The following DLGAP2 variants were observed in gnomAD, a reference collection of about 807,000 sequenced individuals.
DLGAP2 encodes DLG associated protein 2, also known as disks large-associated protein 2.
Under a neutral mutation model 100.3 loss-of-function variants are expected in DLGAP2, and 26 were observed. That is an observed-to-expected ratio of 0.26 (90% CI 0.19 to 0.36). DLGAP2 has a LOEUF of 0.36. Among genes scored for constraint, DLGAP2 ranks in the 10% least tolerant of loss-of-function variants. The pLI is 1.00. For synonymous variants in DLGAP2, 886 were observed against 630.1 expected (o/e 1.41, Z -6.08); for missense variants, 1,858 against 1,453.2 (o/e 1.28, Z -4.53).
At chr8:1,454,318 C>T (rs1180317094) in intron 3 of DLGAP2, among the ~76,000 whole-genome samples, 1 of 152,166 alleles carries the variant, frequency 6.6e-6, no homozygotes, top group African/African-American at 2.4e-5. Flanking sequence ...GCATCCATGG[C>T]AGTCTGAACA....
At chr8:1,336,246 C>T (rs1289148972) in intron 3 of DLGAP2, among the ~76,000 whole-genome samples, 1 of 152,186 alleles carries the variant, frequency 6.6e-6, no homozygotes. Flanking sequence ...TTTGAAGATG[C>T]TGATTCAATG....
chr8:1,019,497 T>A (rs1265614611), intron 2 of DLGAP2: 4 of 151,798 alleles, frequency 2.6e-5, no homozygotes, highest in South Asian at 4.2e-4. Context: ...CACATCTGCT[T>A]CTGGAGCACA....
intron 3 of DLGAP2, among the ~76,000 whole-genome samples, chr8:1,325,236 C>T (rs1800993316): frequency 1.3e-5 from 2 of 152,244 alleles, no homozygotes; most frequent in Non-Finnish European, 2.9e-5. Flanking sequence ...ATGAGACAGT[C>T]ATTCCACGAC....
chr8:1,551,954 C>A (rs576304509), intron 5 of DLGAP2, among the ~76,000 whole-genome samples: 1 of 152,174 alleles, frequency 6.6e-6, no homozygotes, highest in Non-Finnish European at 1.5e-5. Flanking sequence ...CTCTTCATCT[C>A]GTTCAGCCCG....
At chr8:1,650,035 A>G (rs973073481) in intron 8 of DLGAP2, among the ~76,000 whole-genome samples, 3 of 152,230 alleles carry the variant, frequency 2.0e-5, no homozygotes, top group Non-Finnish European at 2.9e-5. Context: ...CCCACACCTT[A>G]AATATGCGGG....
At position 1,431,821 on chromosome 8, in the gene DLGAP2, A is replaced by T. The variant is rs144297066; in HGVS notation, c.107-69545A>T. 1.8e-3 allele frequency among the ~76,000 whole-genome samples: 267 copies of T among 152,176 alleles called. 2 individuals carry two copies. Among genetic ancestry groups the T allele is most frequent in the Admixed American group, 3.9e-3 (60 of 15,284 alleles). ...TGCGTGCATGACAGGGACTCTTCTG[A>T]TGCCTCCGTGTCGATGGCCACCAAG... is the stretch of plus-strand genomic sequence containing the variant. On this transcript the variant is annotated intron_variant, in intron 3 of 14. Transcript: ENST00000637795.
chr8:1,472,886 T>A (rs953361044), intron 3 of DLGAP2, among the ~76,000 whole-genome samples: 22 of 152,250 alleles, frequency 1.4e-4, no homozygotes, highest in African/African-American at 5.3e-4. Flanking sequence ...ATTCCATTCC[T>A]AAATATTTCC....
intron 1 of DLGAP2, among the ~76,000 whole-genome samples, chr8:845,242 T>G (rs955367973): frequency 1.3e-5 from 2 of 152,230 alleles, no homozygotes; most frequent in Admixed American, 1.3e-4. Context: ...AGTTGCAGCA[T>G]GAGTTTACGT....
chr8:972,504 C>T (rs2129012452), intron 2 of DLGAP2, among the ~76,000 whole-genome samples: 1 of 152,260 alleles, frequency 6.6e-6, no homozygotes. Flanking sequence ...ATGACAAATG[C>T]TTTTGATGGT....
At chr8:1,204,299 G>T (rs1262336758) in intron 2 of DLGAP2, among the ~76,000 whole-genome samples, 3 of 152,264 alleles carry the variant, frequency 2.0e-5, no homozygotes, top group African/African-American at 7.2e-5. Context: ...CATCTTCTGA[G>T]ATCGGAAGTT....
intron 1 of DLGAP2, among the ~76,000 whole-genome samples, chr8:771,467 A>T (rs1241451201): frequency 6.6e-6 from 1 of 152,222 alleles, no homozygotes; most frequent in African/African-American, 2.4e-5. Context: ...CTGGGCCTGC[A>T]CTAGCCGGGT....
chr8:837,886 G>GTT (rs1250374583), intron 1 of DLGAP2, among the ~76,000 whole-genome samples: 49 of 111,152 alleles, frequency 4.4e-4, no homozygotes, highest in Middle Eastern at 4.5e-3. Flanking sequence ...CCGGCTAGTT[G>GTT]TTTTTTGTTT....
chr8:1,149,307 G>A (rs1796658402), intron 2 of DLGAP2, among the ~76,000 whole-genome samples: 1 of 151,984 alleles, frequency 6.6e-6, no homozygotes, highest in African/African-American at 2.4e-5. Context: ...CACCGCACCC[G>A]GCTAATTTTT....
At chr8:1,100,445 C>A (rs1334682677) in intron 2 of DLGAP2, among the ~76,000 whole-genome samples, 1 of 150,904 alleles carries the variant, frequency 6.6e-6, no homozygotes, top group Non-Finnish European at 1.5e-5. Flanking sequence ...GTAGGGAAAA[C>A]CTTTGTCCAG....
chr8:1,086,571 A>G (rs989944835), intron 2 of DLGAP2, among the ~76,000 whole-genome samples: 1 of 152,244 alleles, frequency 6.6e-6, no homozygotes, highest in East Asian at 1.9e-4. Context: ...ATGGAAAAAG[A>G]TATTCCATGC....
At chr8:864,480 A>C (rs1797453170) in intron 1 of DLGAP2, among the ~76,000 whole-genome samples, 1 of 152,222 alleles carries the variant, frequency 6.6e-6, no homozygotes, top group Non-Finnish European at 1.5e-5. Flanking sequence ...TCAACTAGAA[A>C]ATTTTAGAAA....
intron 1 of DLGAP2, among the ~76,000 whole-genome samples, chr8:898,496 G>A (rs1182761170): frequency 6.6e-6 from 1 of 152,204 alleles, no homozygotes; most frequent in African/African-American, 2.4e-5. Flanking sequence ...GCAGCGTCTG[G>A]TTCCCTCTCA....
chr8:1,436,237 T>C (rs1329236418), intron 3 of DLGAP2, among the ~76,000 whole-genome samples: 2 of 152,158 alleles, frequency 1.3e-5, no homozygotes, highest in African/African-American at 4.8e-5. Flanking sequence ...CAGCCTTCAG[T>C]CTGTGGCCAA....
intron 3 of DLGAP2, among the ~76,000 whole-genome samples, chr8:1,270,639 T>C (rs571163462): frequency 1.3e-5 from 2 of 152,196 alleles, no homozygotes; most frequent in African/African-American, 4.8e-5. Context: ...CCCAGTAAAA[T>C]TTCCTTTGCC....
Sources: allele counts gnomAD v4.1 joint callset (sites outside exome capture counted in the v4.1 genomes callset), GRCh38; gene constraint gnomAD v4.1.1; transcripts MANE v1.5; gene names NCBI Gene and HGNC (gene_info 2026-07-23, HGNC 2026-07-21).